Variants in SPATC1 observed in about 807,000 individuals in gnomAD.
SPATC1 encodes the protein spermatogenesis and centriole associated 1.
A neutral mutation model predicts 36.5 loss-of-function variants in SPATC1; 35 were observed. The ratio of observed to expected loss-of-function variants is 0.96; its 90% CI spans 0.73 to 1.27. The LOEUF is 1.27. Ranked by LOEUF, SPATC1 falls within the 50% of genes most tolerant of loss-of-function variation. The pLI, the probability that SPATC1 is intolerant of heterozygous loss-of-function variation, is 0.00. For synonymous variants in SPATC1, 361 were observed against 353.6 expected (o/e 1.02, Z -0.24); for missense variants, 779 against 796.0 (o/e 0.98, Z 0.26).
Position 144,041,383 on chromosome 8 carries a change from G to C in SPATC1, c.1446+12G>C. ...AGAAGATCATCCAGGTGTGCGGCCAGGGGTCCTGCAGGGACAGGGGGCAGG... is the reference window on the plus strand; with the variant it reads ...AGAAGATCATCCAGGTGTGCGGCCACGGGTCCTGCAGGGACAGGGGGCAGG... On this transcript the variant is annotated intron_variant, in intron 4 of 4. Coordinates refer to ENST00000377470, the MANE Select transcript of SPATC1 (RefSeq NM_198572.3). The C allele has an allele frequency of 1.2e-6, 2 of 1,605,282 alleles. No individual in the cohort carries two copies. Among genetic ancestry groups the C allele is most frequent in the Non-Finnish European group, 8.5e-7 (1 of 1,179,632 alleles).
chr8:144,041,715 C>T (rs1456098207), intron 4 of SPATC1, among the ~76,000 whole-genome samples: 1 of 152,116 alleles, frequency 6.6e-6, no homozygotes, highest in Non-Finnish European at 1.5e-5. Flanking sequence ...GTAGAAGGCA[C>T]GGGGAAGCTC....
chr8:144,042,433 C>G (rs1421020397), intron 4 of SPATC1, among the ~76,000 whole-genome samples: 1 of 148,330 alleles, frequency 6.7e-6, no homozygotes, highest in Non-Finnish European at 1.5e-5. Context: ...AATTCTCCTG[C>G]CTCAGCCTCC....
intron 1 of SPATC1, among the ~76,000 whole-genome samples, chr8:144,023,201 C>T (rs1834584110): frequency 6.8e-6 from 1 of 148,116 alleles, no homozygotes; most frequent in Non-Finnish European, 1.5e-5. Flanking sequence ...CTACCCTCTC[C>T]CCTGAGGACC....
intron 3 of SPATC1, 39 bp downstream of exon 3, chr8:144,041,146 A>C: frequency 6.3e-7 from 1 of 1,587,024 alleles, no homozygotes; most frequent in Non-Finnish European, 8.6e-7. Context: ...TCGGGCCCCC[A>C]GGCCCTCTCC....
chr8:144,017,432 G>C (rs569326962), intron 1 of SPATC1, among the ~76,000 whole-genome samples: 1 of 152,142 alleles, frequency 6.6e-6, no homozygotes, highest in African/African-American at 2.4e-5. Flanking sequence ...CTGGTCCAGA[G>C]ACCTGGCCCA....
intron 1 of SPATC1, among the ~76,000 whole-genome samples, chr8:144,032,798 G>A (rs1281275317): frequency 2.6e-5 from 4 of 152,054 alleles, no homozygotes; most frequent in South Asian, 2.1e-4. Flanking sequence ...AAGGCAGACC[G>A]CCAACCTTAT....
chr8:144,021,257 T>C (rs1410899200), intron 1 of SPATC1, among the ~76,000 whole-genome samples: 6 of 48,802 alleles, frequency 1.2e-4, no homozygotes, highest in Non-Finnish European at 1.7e-4. Context: ...CAGGACTCTC[T>C]TCCTTCAGGA....
At chr8:144,025,302 C>A (rs1156690593) in intron 1 of SPATC1, among the ~76,000 whole-genome samples, 1 of 152,228 alleles carries the variant, frequency 6.6e-6, no homozygotes, top group Non-Finnish European at 1.5e-5. Flanking sequence ...CCATCTTAGC[C>A]TCTCAACGTG....
chr8:144,024,351 T>C (rs1402851404), intron 1 of SPATC1, among the ~76,000 whole-genome samples: 17 of 144,812 alleles, frequency 1.2e-4, no homozygotes, highest in African/African-American at 4.4e-4. Context: ...CCCTCTTCTT[T>C]CAGGACCCTC....
intron 1 of SPATC1, among the ~76,000 whole-genome samples, chr8:144,027,732 C>G (rs1834713769): frequency 6.6e-6 from 1 of 152,198 alleles, no homozygotes; most frequent in African/African-American, 2.4e-5. Context: ...GTAGCTCATG[C>G]CTGTAATCCC....
At position 144,026,541 on chromosome 8, in the gene SPATC1, C is replaced by T. The variant is rs1011750519; in HGVS notation, c.212-13368C>T. ...GAACTGCCAGATTGTTTTTCAAAGC[C>T]GCCGCACCATTTCACATTCCCACCA... On this transcript the variant is annotated intron_variant, in intron 1 of 4. Coordinates refer to ENST00000377470, the MANE Select transcript of SPATC1 (RefSeq NM_198572.3). 3.4e-3 allele frequency among the ~76,000 whole-genome samples: 514 copies of T among 152,186 alleles called. 19 individuals carry two copies. Among genetic ancestry groups the T allele is most frequent in the Admixed American group, 0.032 (489 of 15,282 alleles).
chr8:144,043,435 C>G (rs1835170337), intron 4 of SPATC1, among the ~76,000 whole-genome samples: 1 of 152,124 alleles, frequency 6.6e-6, no homozygotes, highest in Admixed American at 6.5e-5. Flanking sequence ...GCACACACCA[C>G]CAGGCCCGGC....
In SPATC1 at chr8:144,012,836, C is replaced by CT. The variant is rs1834307513; in HGVS notation, c.211+112dup. On this transcript the variant is annotated intron_variant, in intron 1 of 4. Transcript: ENST00000377470. ...AGGTCATGGAGGGAGTGCCCTTCTC[C>CT]TTGCCCTCTCTGCTCTAACACACTC... 4.5e-6 allele frequency: 5 copies of CT among 1,120,764 alleles called. No homozygotes were observed. The Admixed American group carries it at 1.0e-4, about 23-fold the overall frequency. The allele number at this position is 1,120,764 out of a possible 1,614,324, so 69.4% of individuals were successfully genotyped here.
At chr8:144,015,552 G>A (rs185805215) in intron 1 of SPATC1, among the ~76,000 whole-genome samples, 30 of 147,912 alleles carry the variant, frequency 2.0e-4, no homozygotes, top group African/African-American at 7.4e-4. Flanking sequence ...GACCAGCCTG[G>A]CCAACATGGT....
chr8:144,046,886 A>G lies in SPATC1; in HGVS notation c.1706A>G (p.Asp569Gly), dbSNP rs1835283332. 1 of 1,599,604 alleles carries G rather than the reference A, an allele frequency of 6.3e-7. No individual in the cohort carries two copies. Among genetic ancestry groups the G allele is most frequent in the South Asian group, 1.1e-5 (1 of 91,056 alleles). Residue 569 changes from aspartate (D) to glycine (G), a missense_variant, in exon 5 of 5, where the codon GAC becomes GGC. Asp to Gly is a moderately conservative substitution (Grantham distance 94, BLOSUM62 -1). Transcript: ENST00000377470. The surrounding 1 kb of genome is among the most constrained non-coding windows in gnomAD (Gnocchi z 6.6). ...ACCGTGCACCCCGGCATGCTCGCCG[A>G]CGCGCTGCTGCTGCTCTCCTGCCTC... ...VETVHPGMLA[D>G]ALLLLSCLSQ...
At chr8:144,044,943 C>T (rs1157799025) in intron 4 of SPATC1, among the ~76,000 whole-genome samples, 2 of 152,288 alleles carry the variant, frequency 1.3e-5, no homozygotes, top group African/African-American at 2.4e-5. Context: ...AGCGAGACTC[C>T]GTCTCAAAAC....
intron 1 of SPATC1, among the ~76,000 whole-genome samples, chr8:144,021,311 C>A (rs1587493919): frequency 6.8e-6 from 1 of 147,300 alleles, no homozygotes; most frequent in African/African-American, 2.5e-5. Flanking sequence ...CCTCTTCCCT[C>A]ATGACCCTCT....
chr8:144,042,303 A>ATT (rs1835129015), intron 4 of SPATC1, among the ~76,000 whole-genome samples: 1 of 57,188 alleles, frequency 1.7e-5, no homozygotes, highest in Non-Finnish European at 2.9e-5. Flanking sequence ...ATATATATAT[A>ATT]TATATATATT....
intron 1 of SPATC1, among the ~76,000 whole-genome samples, chr8:144,031,164 G>A (rs1321206770): frequency 6.6e-6 from 1 of 151,870 alleles, no homozygotes. Flanking sequence ...TTTCATTTCA[G>A]CCTAAAGGAC....
Sources: gnomAD v4.1 joint callset for allele counts (sites outside exome capture counted in the v4.1 genomes callset) on GRCh38, gnomAD v4.1.1 for gene constraint, Gnocchi (gnomAD v3.1) non-coding constraint, MANE v1.5 for transcripts, NCBI Gene and HGNC (gene_info 2026-07-23, HGNC 2026-07-21) for gene names.